PVT1: variants seen among roughly 807,000 people sequenced by gnomAD.
The protein encoded by PVT1 is CXCR4/PVT1 fusion.
At chr8:128,062,900 A>G (rs1813849338) in intron 4 of PVT1, among the ~76,000 whole-genome samples, 1 of 152,152 alleles carries the variant, frequency 6.6e-6, no homozygotes, top group African/African-American at 2.4e-5. Context: ...GCAGCACTGC[A>G]CAGGGCACTG....
chr8:127,846,348 G>A (rs1250324050), intron 2 of PVT1, among the ~76,000 whole-genome samples: 1 of 152,218 alleles, frequency 6.6e-6, no homozygotes, highest in African/African-American at 2.4e-5. Flanking sequence ...CCTGTGTGGG[G>A]CACCTTTCCT....
At chr8:127,833,484 G>A (rs1298791995) in intron 2 of PVT1, among the ~76,000 whole-genome samples, 1 of 151,796 alleles carries the variant, frequency 6.6e-6, no homozygotes, top group African/African-American at 2.4e-5. Context: ...TCCCAGACAG[G>A]GTCTTGCTCT....
At position 127,863,299 on chromosome 8, in the gene PVT1, A is replaced by G. The variant is rs562048113; in HGVS notation, n.373-27290A>G. 1.6e-4 allele frequency among the ~76,000 whole-genome samples: 25 copies of G among 151,714 alleles called. No homozygotes were observed. The South Asian group carries it at 5.2e-3, about 32-fold the overall frequency. On this transcript the variant is annotated intron_variant and non_coding_transcript_variant, in intron 2 of 10. Transcript: ENST00000651587. ...CTAATTTTTTGCATTTTTAGTAGAG[A>G]TGGGGTTTCACTATGTTGGCCAGGC... is the stretch of plus-strand genomic sequence containing the variant.
chr8:127,999,234 A>G (rs914165677), intron 4 of PVT1: 1 of 152,162 alleles, frequency 6.6e-6, no homozygotes, highest in Admixed American at 6.5e-5. Flanking sequence ...ATTCCCCCAA[A>G]TGTGGGAGAC....
At chr8:127,986,282 GCCTTGGAGGTCCTGAGTCAGCCTGT>G (rs1168427341) in intron 3 of PVT1, among the ~76,000 whole-genome samples, 2 of 152,210 alleles carry the variant, frequency 1.3e-5, no homozygotes, top group Admixed American at 6.5e-5. Context: ...CCTCCTGGGA[GCCTTGGAGGTCCTGAGTCAGCCTGT>G]CCTTGGCACT....
At chr8:127,838,229 T>C (rs1814930591) in intron 2 of PVT1, among the ~76,000 whole-genome samples, 1 of 152,162 alleles carries the variant, frequency 6.6e-6, no homozygotes, top group Admixed American at 6.6e-5. Context: ...TATGTGTATA[T>C]GTAATATCTG....
At chr8:127,878,219 T>C (rs1461710034) in intron 2 of PVT1, among the ~76,000 whole-genome samples, 1 of 152,130 alleles carries the variant, frequency 6.6e-6, no homozygotes. Context: ...GGTCTGTCAC[T>C]TGGAGAAGAA....
At chr8:128,077,606 G>A (rs1184136101) in intron 5 of PVT1, among the ~76,000 whole-genome samples, 1 of 152,158 alleles carries the variant, frequency 6.6e-6, no homozygotes, top group Non-Finnish European at 1.5e-5. Context: ...CACGAATAGA[G>A]AAAATGTCAT....
chr8:127,890,046 G>A (rs907624015), intron 2 of PVT1, among the ~76,000 whole-genome samples: 17 of 152,200 alleles, frequency 1.1e-4, no homozygotes, highest in Admixed American at 3.3e-4. Context: ...GTTAGTGAAT[G>A]AATGAGTAAG....
At position 127,798,800 on chromosome 8, in the gene PVT1, C is replaced by T. The variant is rs146879865; in HGVS notation, n.372+2729C>T. 2.0e-3 allele frequency among the ~76,000 whole-genome samples: 307 copies of T among 152,018 alleles called. 1 individual carries two copies. The highest frequency in any genetic ancestry group is 6.9e-3 in the African/African-American group (285 of 41,472). On this transcript the variant is annotated intron_variant and non_coding_transcript_variant, in intron 2 of 10. Transcript: ENST00000651587. ...CTGAGGTAGGAAGATCTCTTGAACC[C>T]GGGAGACGGAGTTTGCAGTGAGCTG...
At chr8:128,096,319 A>G (rs1241740164) in intron 5 of PVT1, among the ~76,000 whole-genome samples, 1 of 152,216 alleles carries the variant, frequency 6.6e-6, no homozygotes, top group Non-Finnish European at 1.5e-5. Context: ...CAGGGCCCAC[A>G]GTTAGGAGCC....
At chr8:128,088,307 A>G (rs541412094) in intron 5 of PVT1, among the ~76,000 whole-genome samples, 16 of 152,212 alleles carry the variant, frequency 1.1e-4, no homozygotes, top group Admixed American at 1.3e-4. Context: ...AGGTTAATTC[A>G]CGGTCCCAGC....
At chr8:128,027,679 T>A (rs1416986710) in intron 4 of PVT1, among the ~76,000 whole-genome samples, 2 of 152,326 alleles carry the variant, frequency 1.3e-5, no homozygotes, top group Non-Finnish European at 2.9e-5. Flanking sequence ...TGTGGCACCA[T>A]GCAAGGTGGC....
intron 2 of PVT1, among the ~76,000 whole-genome samples, chr8:127,844,703 G>T (rs79419363): frequency 0.045 from 6,757 of 149,482 alleles, 512 homozygotes; most frequent in African/African-American, 0.15. Context: ...TTTTTTTTTT[G>T]TTTTGTTTTT....
At chr8:127,897,388 C>A (rs1326878482) in intron 3 of PVT1, among the ~76,000 whole-genome samples, 1 of 151,890 alleles carries the variant, frequency 6.6e-6, no homozygotes. Flanking sequence ...TGATTCTCAG[C>A]TGTCCATAGG....
intron 5 of PVT1, among the ~76,000 whole-genome samples, chr8:128,078,170 G>T (rs953979282): frequency 5.3e-5 from 8 of 152,192 alleles, no homozygotes; most frequent in African/African-American, 1.9e-4. Context: ...GGGTTCTGAG[G>T]AGAGTAGAGT....
chr8:127,913,751 T>A (rs1441805626), intron 3 of PVT1, among the ~76,000 whole-genome samples: 1 of 152,138 alleles, frequency 6.6e-6, no homozygotes, highest in Non-Finnish European at 1.5e-5. Flanking sequence ...AGGGTCTGTG[T>A]GGGATTAAGT....
chr8:127,938,388 C>T (rs1221284093), intron 3 of PVT1, among the ~76,000 whole-genome samples: 2 of 152,164 alleles, frequency 1.3e-5, no homozygotes, highest in Admixed American at 1.3e-4. Flanking sequence ...GCTTACTCAT[C>T]TCAGACAGCT....
At chr8:127,812,232 C>CAGGAAGGCAGGA (rs1814603509) in intron 2 of PVT1, among the ~76,000 whole-genome samples, 1 of 129,994 alleles carries the variant, frequency 7.7e-6, no homozygotes, top group South Asian at 2.5e-4. Flanking sequence ...GGCAGGAAGG[C>CAGGAAGGCAGGA]AGGAAGGAAG....
Sources: allele counts gnomAD v4.1 joint callset (sites outside exome capture counted in the v4.1 genomes callset), GRCh38; gene constraint gnomAD v4.1.1; transcripts MANE v1.5; gene names NCBI Gene and HGNC (gene_info 2026-07-23, HGNC 2026-07-21).